Variants in OTC observed in about 807,000 individuals in gnomAD.
OTC encodes the protein ornithine transcarbamylase.
A neutral mutation model predicts 30.3 loss-of-function variants in OTC; 3 were observed. The ratio of observed to expected loss-of-function variants is 0.10; its 90% CI spans 0.05 to 0.26. The LOEUF (loss-of-function observed/expected upper bound fraction) is 0.26. Among genes scored for constraint, OTC ranks in the 10% least tolerant of loss-of-function variants. The pLI is 1.00. For synonymous variants in OTC, 111 were observed against 99.7 expected, an observed-to-expected ratio of 1.11 and a Z score of -0.67; for missense variants, 194 against 260.3, an observed-to-expected ratio of 0.75 and a Z score of 1.75.
chrX:38,328,257 G>A, the OTC span, among the ~76,000 whole-genome samples: 1 of 112,322 alleles, frequency 8.9e-6, no homozygotes, highest in African/African-American at 3.2e-5. Flanking sequence ...TGTGGACATG[G>A]GCCCTAGAAT....
At chrX:38,406,424 G>A (rs911354156) in intron 6 of OTC, among the ~76,000 whole-genome samples, 1 of 111,925 alleles carries the variant, frequency 8.9e-6, no homozygotes, top group Non-Finnish European at 1.9e-5. Context: ...AACTGGGTGT[G>A]TTAATCACCT....
chrX:38,381,668 A>G (rs1202307181), intron 4 of OTC, among the ~76,000 whole-genome samples: 1 of 111,754 alleles, frequency 8.9e-6, no homozygotes, highest in Non-Finnish European at 1.9e-5. Flanking sequence ...TTTCAAACTT[A>G]TGGAAATTTT....
chrX:38,390,699 A>G (rs2068424792), intron 4 of OTC, among the ~76,000 whole-genome samples: 1 of 111,998 alleles, frequency 8.9e-6, no homozygotes, highest in Non-Finnish European at 1.9e-5. Flanking sequence ...ATGTTCCAAT[A>G]CTTTAGGAAC....
the OTC span, among the ~76,000 whole-genome samples, chrX:38,330,623 A>G: frequency 6.9e-4 from 77 of 112,324 alleles, no homozygotes; most frequent in African/African-American, 2.4e-3. Flanking sequence ...CATGAGCTCT[A>G]CAGTATGAAA....
chrX:38,374,926 T>C (rs1326525655), intron 3 of OTC, among the ~76,000 whole-genome samples: 1 of 112,545 alleles, frequency 8.9e-6, no homozygotes, highest in Non-Finnish European at 1.9e-5. Flanking sequence ...TAATCACCAC[T>C]AAACTTCATT....
chrX:38,417,937 G>A (rs1284264920), intron 9 of OTC, among the ~76,000 whole-genome samples: 2 of 112,085 alleles, frequency 1.8e-5, no homozygotes, highest in Non-Finnish European at 3.8e-5. Flanking sequence ...AAATAATGCT[G>A]CAGTGAACAT....
chrX:38,357,647 C>G (rs2068248548), intron 1 of OTC, among the ~76,000 whole-genome samples: 1 of 112,326 alleles, frequency 8.9e-6, no homozygotes, highest in African/African-American at 3.2e-5. Context: ...CTCCCACCCC[C>G]CAGTTTACCA....
the OTC span, among the ~76,000 whole-genome samples, chrX:38,336,997 C>T: frequency 1.8e-5 from 2 of 111,721 alleles, no homozygotes; most frequent in African/African-American, 6.5e-5. Flanking sequence ...ATCTTTTCTC[C>T]CTCATTTCCT....
At chrX:38,383,504 T>C (rs944094606) in intron 4 of OTC, among the ~76,000 whole-genome samples, 1 of 111,938 alleles carries the variant, frequency 8.9e-6, no homozygotes, top group Non-Finnish European at 1.9e-5. Flanking sequence ...AAACAAGTTA[T>C]AGAAAATATT....
intron 9 of OTC, among the ~76,000 whole-genome samples, chrX:38,415,485 C>T (rs1422998534): frequency 9.0e-6 from 1 of 111,563 alleles, no homozygotes; most frequent in Non-Finnish European, 1.9e-5. Flanking sequence ...TCCAGACTAC[C>T]CTATCCAATA....
chrX:38,336,131 T>G, the OTC span, among the ~76,000 whole-genome samples: 1 of 111,322 alleles, frequency 9.0e-6, no homozygotes, highest in African/African-American at 3.3e-5. Context: ...CATGAGGCAT[T>G]GTGCAGAAGA....
chrX:38,336,429 C>A, the OTC span, among the ~76,000 whole-genome samples: 16 of 108,016 alleles, frequency 1.5e-4, 1 homozygote, highest in South Asian at 6.6e-3. Context: ...TGTAGCCATG[C>A]AAATGAGCTT....
intron 4 of OTC, among the ~76,000 whole-genome samples, chrX:38,381,648 G>A (rs1396126980): frequency 1.8e-5 from 2 of 111,694 alleles, no homozygotes; most frequent in African/African-American, 3.3e-5. Context: ...AGAAGCTTCT[G>A]ATCATAAAAT....
At chrX:38,330,328 TTTCAC>T in the OTC span, among the ~76,000 whole-genome samples, 2 of 112,055 alleles carry the variant, frequency 1.8e-5, no homozygotes, top group African/African-American at 3.2e-5. Flanking sequence ...GTGAGACCCG[TTTCAC>T]ACTTCAGAAC....
intron 1 of OTC, among the ~76,000 whole-genome samples, chrX:38,354,348 T>C (rs1471101361): frequency 8.9e-6 from 1 of 112,241 alleles, no homozygotes; most frequent in African/African-American, 3.2e-5. Context: ...CAGATAAAAA[T>C]GTGATGAAAT....
At chrX:38,349,568 A>G (rs6608750), upstream of OTC, among the ~76,000 whole-genome samples, 31,729 of 111,720 alleles carry the variant, frequency 0.28, 3,609 homozygotes, top group East Asian at 0.6. Context: ...CTGCCATGGA[A>G]TGGCAATGCA....
At chrX:38,331,420 ATTTTTTTTTTG>A in the OTC span, among the ~76,000 whole-genome samples, 6 of 76,900 alleles carry the variant, frequency 7.8e-5, no homozygotes, top group Admixed American at 1.5e-4. Flanking sequence ...CACCCAGCTA[ATTTTTTTTTTG>A]TTTTTTTTTT....
chrX:38,341,000 G>A, the OTC span, among the ~76,000 whole-genome samples: 2 of 111,319 alleles, frequency 1.8e-5, no homozygotes, highest in East Asian at 5.7e-4. Context: ...GTTTTACCAT[G>A]TTGGCCAGGC....
the OTC span, among the ~76,000 whole-genome samples, chrX:38,340,477 T>G: frequency 9.6e-6 from 1 of 104,152 alleles, no homozygotes; most frequent in African/African-American, 3.5e-5. Context: ...TTTTTTGTTT[T>G]TTTTTTTTTT....
Sources: gnomAD v4.1 joint callset for allele counts (sites outside exome capture counted in the v4.1 genomes callset) on GRCh38, gnomAD v4.1.1 for gene constraint, MANE v1.5 for transcripts, NCBI Gene and HGNC (gene_info 2026-07-23, HGNC 2026-07-21) for gene names.